The following GPR158 variants were observed in gnomAD, a reference collection of about 807,000 sequenced individuals.
GPR158 encodes the protein metabotropic glycine receptor.
Under a neutral mutation model 78.2 loss-of-function variants are expected in GPR158, and 30 were observed. The ratio of observed to expected loss-of-function variants is 0.38; its 90% CI spans 0.29 to 0.52. The LOEUF is 0.52. Ranked by LOEUF, GPR158 falls within the 20% of genes least tolerant of loss-of-function variation. The probability of loss-of-function intolerance (pLI) is 0.83; values close to 1 mark genes in which losing one functional copy is unlikely to be tolerated. For synonymous variants in GPR158, 581 were observed against 591.1 expected (o/e 0.98, Z 0.25); for missense variants, 1,463 against 1,523.5 (o/e 0.96, Z 0.66).
At chr10:25,522,534 A>T (rs1836292034) in intron 5 of GPR158, among the ~76,000 whole-genome samples, 1 of 152,220 alleles carries the variant, frequency 6.6e-6, no homozygotes, top group Non-Finnish European at 1.5e-5. Flanking sequence ...GACTAATGAG[A>T]AAAGGGATCT....
At chr10:25,523,101 C>A (rs1055662138) in intron 5 of GPR158, among the ~76,000 whole-genome samples, 4 of 152,166 alleles carry the variant, frequency 2.6e-5, no homozygotes, top group African/African-American at 9.7e-5. Context: ...AGAGGCTGAA[C>A]TGAAGAAAGT....
In GPR158 at chr10:25,542,367, G is replaced by GAACAGCTTTGGA. The variant is rs1447436973; in HGVS notation, c.1405-8608_1405-8597dup. Among the ~76,000 whole-genome samples the GAACAGCTTTGGA allele has an allele frequency of 3.9e-5, 6 of 152,240 alleles. No homozygotes were observed. The East Asian group carries it at 1.2e-3, about 29-fold the overall frequency. On this transcript the variant is annotated intron_variant, in intron 5 of 10. Coordinates refer to ENST00000376351, the MANE Select transcript of GPR158 (RefSeq NM_020752.3). ...ACACCTTTGACTCTCAGAGCTTTGG[G>GAACAGCTTTGGA]AACAGCTTTGGACCATGCTGGCTTC...
At chr10:25,449,255 T>C (rs1025303573) in intron 4 of GPR158, among the ~76,000 whole-genome samples, 27 of 152,220 alleles carry the variant, frequency 1.8e-4, no homozygotes, top group Non-Finnish European at 2.8e-4. Flanking sequence ...GATGTCTCAT[T>C]TTCAGTCTTG....
At chr10:25,445,123 A>C (rs1185206230) in intron 4 of GPR158, among the ~76,000 whole-genome samples, 1 of 152,210 alleles carries the variant, frequency 6.6e-6, no homozygotes, top group Non-Finnish European at 1.5e-5. Flanking sequence ...TAGCAGCTTC[A>C]AGTAACCAGT....
intron 5 of GPR158, among the ~76,000 whole-genome samples, chr10:25,495,527 C>T (rs944318084): frequency 6.6e-6 from 1 of 151,852 alleles, no homozygotes; most frequent in Non-Finnish European, 1.5e-5. Flanking sequence ...CTCCTGACCT[C>T]GTGATCCACC....
chr10:25,291,454 A>G (rs1353558852), intron 2 of GPR158, among the ~76,000 whole-genome samples: 1 of 151,982 alleles, frequency 6.6e-6, no homozygotes, highest in African/African-American at 2.4e-5. Context: ...GTTTTTCATC[A>G]TAAAGAGGAT....
chr10:25,504,810 A>T (rs748572145), intron 5 of GPR158, among the ~76,000 whole-genome samples: 11 of 152,084 alleles, frequency 7.2e-5, no homozygotes, highest in African/African-American at 2.7e-4. Flanking sequence ...TCATGTTATC[A>T]TGTGCACTGG....
chr10:25,460,264 C>T (rs754418962), intron 4 of GPR158, among the ~76,000 whole-genome samples: 49 of 151,216 alleles, frequency 3.2e-4, no homozygotes, highest in Non-Finnish European at 6.6e-4. Context: ...TATAGTAGCT[C>T]GATCTGGGCT....
chr10:25,219,436 A>T lies in GPR158; in HGVS notation c.903-1616A>T, dbSNP rs560218292. ...TATTTATCACATAAACATTTGTTTT[A>T]TTGCGTTATGGCCCACAACAGTAAT... is the stretch of plus-strand genomic sequence containing the variant. On this transcript the variant is annotated intron_variant, in intron 1 of 10. Coordinates refer to ENST00000376351, the MANE Select transcript of GPR158 (RefSeq NM_020752.3). Among the ~76,000 whole-genome samples, 14 of 152,258 alleles carry T rather than the reference A, an allele frequency of 9.2e-5. No homozygotes were observed. In the East Asian group the frequency reaches 2.7e-3, roughly 29 times the overall value.
intron 1 of GPR158, among the ~76,000 whole-genome samples, chr10:25,188,138 A>G (rs1588724972): frequency 6.6e-6 from 1 of 152,362 alleles, no homozygotes; most frequent in Non-Finnish European, 1.5e-5. Flanking sequence ...AACAGAGGAC[A>G]CAAACAAATG....
chr10:25,289,443 A>T (rs192829090), intron 2 of GPR158, among the ~76,000 whole-genome samples: 1,640 of 152,076 alleles, frequency 0.011, 23 homozygotes, highest in South Asian at 0.058. Context: ...TTTTATTTTT[A>T]TTTTTTTGAG....
At chr10:25,304,127 C>A (rs1854635081) in intron 2 of GPR158, among the ~76,000 whole-genome samples, 1 of 151,120 alleles carries the variant, frequency 6.6e-6, no homozygotes, top group South Asian at 2.1e-4. Flanking sequence ...TTTTCGTTTA[C>A]TTGTTTGTTT....
chr10:25,434,223 A>T (rs928907427), intron 4 of GPR158, among the ~76,000 whole-genome samples: 20 of 152,292 alleles, frequency 1.3e-4, no homozygotes, highest in Non-Finnish European at 2.5e-4. Flanking sequence ...ATCTGGTGGT[A>T]GCAATACTAA....
At chr10:25,382,292 CTG>C (rs1834165611) in intron 2 of GPR158, among the ~76,000 whole-genome samples, 1 of 152,200 alleles carries the variant, frequency 6.6e-6, no homozygotes, top group Non-Finnish European at 1.5e-5. Flanking sequence ...AGGCATCTTG[CTG>C]TGTGTCAGTG....
chr10:25,480,513 T>G (rs953680883), intron 5 of GPR158, among the ~76,000 whole-genome samples: 4 of 151,096 alleles, frequency 2.6e-5, no homozygotes, highest in African/African-American at 9.7e-5. Flanking sequence ...TCCCCCAGCC[T>G]TTGAACATCT....
At chr10:25,356,162 C>A (rs1041291454) in intron 2 of GPR158, among the ~76,000 whole-genome samples, 4 of 152,010 alleles carry the variant, frequency 2.6e-5, no homozygotes, top group South Asian at 2.1e-4. Context: ...TGGTGCCAGG[C>A]AGAGTGGGGA....
chr10:25,407,280 A>G (rs993006743), intron 3 of GPR158, among the ~76,000 whole-genome samples: 1 of 152,224 alleles, frequency 6.6e-6, no homozygotes, highest in African/African-American at 2.4e-5. Context: ...AGTTACAGAA[A>G]GAAATAATGC....
At chr10:25,560,328 T>C (rs909637511) in intron 6 of GPR158, among the ~76,000 whole-genome samples, 1 of 152,166 alleles carries the variant, frequency 6.6e-6, no homozygotes, top group African/African-American at 2.4e-5. Flanking sequence ...TGTAGTGGCG[T>C]GATCTCGGCT....
At chr10:25,256,523 G>A (rs1038277865) in intron 2 of GPR158, among the ~76,000 whole-genome samples, 2 of 151,840 alleles carry the variant, frequency 1.3e-5, no homozygotes, top group African/African-American at 4.8e-5. Context: ...GCTGAGTATG[G>A]TGGCACATGT....
Sources: allele counts gnomAD v4.1 joint callset (sites outside exome capture counted in the v4.1 genomes callset), GRCh38; gene constraint gnomAD v4.1.1; transcripts MANE v1.5; gene names NCBI Gene and HGNC (gene_info 2026-07-23, HGNC 2026-07-21).